The following KLC1 variants were observed in gnomAD, a reference collection of about 807,000 sequenced individuals.
The protein encoded by KLC1 is kinesin light chain 1, also known as kinesin 2 60/70kDa.
KLC1 carries 30 observed loss-of-function variants against 84.2 expected under a neutral mutation model. The ratio of observed to expected loss-of-function variants is 0.36; its 90% CI spans 0.27 to 0.48. The LOEUF (loss-of-function observed/expected upper bound fraction) is 0.48. KLC1 is among the 20% of genes least tolerant of loss of function. KLC1 has a pLI of 0.99. For missense variants in KLC1, 499 were observed against 805.4 expected (o/e 0.62, Z 4.60); for synonymous variants, 289 against 293.3 (o/e 0.99, Z 0.15).
intron 1 of KLC1, among the ~76,000 whole-genome samples, chr14:103,648,953 A>G (rs996893311): frequency 1.1e-4 from 17 of 152,194 alleles, no homozygotes; most frequent in Non-Finnish European, 2.4e-4. Flanking sequence ...CCTGGGCAAC[A>G]TGGCGAAACT....
At chr14:103,651,900 C>T (rs570722395) in intron 1 of KLC1, among the ~76,000 whole-genome samples, 44 of 152,312 alleles carry the variant, frequency 2.9e-4, no homozygotes, top group African/African-American at 8.9e-4. Flanking sequence ...CCATTGCCCC[C>T]CACCACCGTG....
intron 1 of KLC1, among the ~76,000 whole-genome samples, chr14:103,644,144 G>T (rs1277579184): frequency 1.3e-5 from 2 of 150,468 alleles, no homozygotes; most frequent in Non-Finnish European, 3.0e-5. Context: ...GAACCTGGGA[G>T]GCGGAGCTTG....
chr14:103,666,092 GTC>G (rs2079770167), intron 5 of KLC1, among the ~76,000 whole-genome samples: 1 of 151,640 alleles, frequency 6.6e-6, no homozygotes, highest in Non-Finnish European at 1.5e-5. Flanking sequence ...TTGAGACGGA[GTC>G]TCGCTGTCAC....
rs1277473451 is a variant in KLC1, at chr14:103,685,902, G to A, written c.1651-1179G>A. On this transcript the variant is annotated intron_variant, in intron 13 of 16. Coordinates refer to ENST00000334553, the MANE Select transcript of KLC1 (RefSeq NM_001394837.1). Reference sequence around the variant, plus strand: ...AAAATCCATTTACTGTGTAATACACGAGTTTAAAAATTAAGAGCGATTAGC... The same window carrying A: ...AAAATCCATTTACTGTGTAATACACAAGTTTAAAAATTAAGAGCGATTAGC... 9.8e-6 allele frequency: 11 copies of A among 1,124,534 alleles called. No individual in the cohort carries two copies. The African/African-American group carries it at 1.5e-4, about 15-fold the overall frequency. The allele number at this position is 1,124,534 out of a possible 1,614,324, so 69.7% of individuals were successfully genotyped here. A position where few individuals can be genotyped will look rare whatever the true frequency, so the allele number is the denominator to read the frequency against.
At position 103,679,198 on chromosome 14, in the gene KLC1, G is replaced by A. The variant is rs898016853; in HGVS notation, c.1489-186G>A. ...CAGCCCCATCACTGTTCCTCTGAGGGGTCCTTTGTGTTTCCAGTTCCCCGC... is the reference window on the plus strand; with the variant it reads ...CAGCCCCATCACTGTTCCTCTGAGGAGTCCTTTGTGTTTCCAGTTCCCCGC... On this transcript the variant is annotated intron_variant, in intron 12 of 16. Coordinates refer to ENST00000334553, the MANE Select transcript of KLC1 (RefSeq NM_001394837.1). 2.0e-5 allele frequency: 14 copies of A among 684,950 alleles called. No individual in the cohort carries two copies. In the South Asian group the frequency reaches 2.5e-4, roughly 12 times the overall value. The allele number at this position is 684,950 out of a possible 1,614,324, so 42.4% of individuals were successfully genotyped here. A position where few individuals can be genotyped will look rare whatever the true frequency, so the allele number is the denominator to read the frequency against.
intron 13 of KLC1, among the ~76,000 whole-genome samples, chr14:103,680,242 A>G (rs1288536046): frequency 6.8e-6 from 1 of 146,894 alleles, no homozygotes; most frequent in Non-Finnish European, 1.5e-5. Flanking sequence ...CCTTCTGGAC[A>G]TTTTTTCTCC....
At chr14:103,701,101 CTT>C in intron 16 of KLC1, 98 bp from the exon 17 acceptor site, 1 of 1,437,638 alleles carries the variant, frequency 7.0e-7, no homozygotes, top group East Asian at 2.5e-5. Flanking sequence ...TCTAGGCAGA[CTT>C]GGGGTGGGGG....
At chr14:103,677,361 T>C in intron 11 of KLC1, 54 bp from the exon 12 acceptor site, 3 of 1,009,754 alleles carry the variant, frequency 3.0e-6, no homozygotes, top group Non-Finnish European at 4.7e-6. Flanking sequence ...CTGTTGATAG[T>C]GGTTGTTCAG....
intron 1 of KLC1, among the ~76,000 whole-genome samples, chr14:103,649,835 A>C (rs1423407722): frequency 6.6e-6 from 1 of 151,780 alleles, no homozygotes; most frequent in Non-Finnish European, 1.5e-5. Flanking sequence ...AGCTGGGACT[A>C]CAGGCGCCCA....
intron 13 of KLC1, chr14:103,685,639 C>T: frequency 7.8e-7 from 1 of 1,289,414 alleles, no homozygotes; most frequent in Non-Finnish European, 1.0e-6. Context: ...GTCTGACAGG[C>T]CTAGCCGCCC....
At chr14:103,676,662 A>G (rs1354735706) in intron 11 of KLC1, among the ~76,000 whole-genome samples, 1 of 152,168 alleles carries the variant, frequency 6.6e-6, no homozygotes, top group Admixed American at 6.6e-5. Flanking sequence ...AGCACTTACC[A>G]TAGATTACTT....
At chr14:103,647,546 T>C (rs564185528) in intron 1 of KLC1, among the ~76,000 whole-genome samples, 37 of 152,120 alleles carry the variant, frequency 2.4e-4, no homozygotes, top group Admixed American at 2.2e-3. Context: ...TTTTTTGTTA[T>C]TGTTTCTTAT....
intron 1 of KLC1, among the ~76,000 whole-genome samples, chr14:103,637,595 A>G (rs189392077): frequency 1.1e-3 from 163 of 152,250 alleles, no homozygotes; most frequent in Admixed American, 3.3e-3. Context: ...TGCCTAAGCA[A>G]CATCCGCTTT....
intron 13 of KLC1, chr14:103,682,766 GTATA>G (rs990623060): frequency 2.0e-5 from 3 of 149,036 alleles, no homozygotes; most frequent in Admixed American, 6.7e-5. Context: ...ATATATATAT[GTATA>G]TGTATGTATA....
At chr14:103,657,515 C>T (rs1184479112) in intron 2 of KLC1, 31 bp from the exon 3 acceptor site, 1 of 1,571,054 alleles carries the variant, frequency 6.4e-7, no homozygotes. Context: ...GACAACGTGC[C>T]ACAGTGCTGC....
intron 15 of KLC1, chr14:103,699,586 C>CAGCTGTCATTGTCTATGCTGGTCAGCA (rs750260694): frequency 1.3e-4 from 206 of 1,613,278 alleles, no homozygotes; most frequent in Admixed American, 3.5e-4. Context: ...CCTGTGGGGA[C>CAGCTGTCATTGTCTATGCTGGTCAGCA]AGCTGTCATT....
At chr14:103,659,514 G>A (rs1037249654) in intron 3 of KLC1, among the ~76,000 whole-genome samples, 5 of 152,158 alleles carry the variant, frequency 3.3e-5, no homozygotes, top group African/African-American at 1.2e-4. Flanking sequence ...CTGAAACACA[G>A]ACTTGGTTGG....
intron 9 of KLC1, among the ~76,000 whole-genome samples, 192 bp from the exon 10 acceptor site, chr14:103,675,360 T>C (rs2080791444): frequency 6.6e-6 from 1 of 152,180 alleles, no homozygotes; most frequent in East Asian, 1.9e-4. Flanking sequence ...TCATGATTTC[T>C]AGTTTACTTA....
intron 7 of KLC1, among the ~76,000 whole-genome samples, chr14:103,671,409 G>T (rs1041888757): frequency 2.0e-5 from 3 of 151,610 alleles, no homozygotes; most frequent in African/African-American, 7.3e-5. Context: ...TTGCTGTGTC[G>T]CCCAGGCTGG....
Sources: gnomAD v4.1 joint callset for allele counts (sites outside exome capture counted in the v4.1 genomes callset) on GRCh38, gnomAD v4.1.1 for gene constraint, MANE v1.5 for transcripts, NCBI Gene and HGNC (gene_info 2026-07-23, HGNC 2026-07-21) for gene names.